Variants in CAMKK2 observed in about 807,000 individuals in gnomAD.
The protein encoded by CAMKK2 is calcium/calmodulin dependent protein kinase kinase 2, also known as calcium/calmodulin-dependent protein kinase kinase 2.
In CAMKK2, 30 loss-of-function variants were observed where a neutral mutation model predicts 67.2. The observed-to-expected ratio is 0.45, with a 90% CI of 0.33 to 0.61. The LOEUF is 0.61. CAMKK2 is among the 20% of genes least tolerant of loss of function. CAMKK2 has a pLI of 0.02. For missense variants in CAMKK2, 643 were observed against 802.0 expected (o/e 0.80, Z 2.39); for synonymous variants, 322 against 326.2 (o/e 0.99, Z 0.14).
chr12:121,252,417 C>A (rs913599890), intron 11 of CAMKK2, among the ~76,000 whole-genome samples: 1 of 152,308 alleles, frequency 6.6e-6, no homozygotes, highest in South Asian at 2.1e-4. Context: ...TATAGGCATG[C>A]GCCATCACGC....
intron 3 of CAMKK2, chr12:121,269,929 A>C (rs1297253817): frequency 5.1e-6 from 1 of 194,356 alleles, no homozygotes; most frequent in East Asian, 1.2e-4. Context: ...AGGCACCTGT[A>C]ATCCCAGCTA....
At chr12:121,289,110 C>T (rs939921609) in intron 1 of CAMKK2, among the ~76,000 whole-genome samples, 1 of 152,092 alleles carries the variant, frequency 6.6e-6, no homozygotes, top group Non-Finnish European at 1.5e-5. Context: ...GGTGAAGGGT[C>T]GAGCCTGCAG....
chr12:121,251,306 T>C (rs7975297), intron 11 of CAMKK2, among the ~76,000 whole-genome samples: 39,832 of 151,900 alleles, frequency 0.26, 5,889 homozygotes, highest in African/African-American at 0.4. Flanking sequence ...GTTAATATAG[T>C]AGAATCCAGG....
At chr12:121,268,979 C>G (rs890458496) in intron 4 of CAMKK2, among the ~76,000 whole-genome samples, 2 of 152,084 alleles carry the variant, frequency 1.3e-5, no homozygotes, top group African/African-American at 4.8e-5. Context: ...TTGCTGCCAT[C>G]GAATCAAAAC....
chr12:121,260,263 G>C (rs1357782912), intron 7 of CAMKK2, 56 bp downstream of exon 7: 2 of 1,466,994 alleles, frequency 1.4e-6, no homozygotes, highest in Admixed American at 4.2e-5. Flanking sequence ...AGGACCCCTG[G>C]GCATTGGCAG....
Position 121,263,815 on chromosome 12 carries a change from C to T in CAMKK2, c.750G>A (p.Lys250=). The T allele has an allele frequency of 6.2e-7, 1 of 1,608,762 alleles. No individual in the cohort carries two copies. Among genetic ancestry groups the T allele is most frequent in the South Asian group, 1.1e-5 (1 of 90,662 alleles). The change falls in exon 6 of 17, where the codon AAG becomes AAA. Residue 250 remains lysine (K), a synonymous_variant. Transcript: ENST00000404169. The part of the protein sequence containing the change: ...LKKLDHPNVV[K]LVEVLDDPNE... Reference sequence around the variant, plus strand: ...GCCTCCACCCTTTTACCTCCACCAGCTTCACCACATTGGGGTGGTCCAGCT... The same window carrying T: ...GCCTCCACCCTTTTACCTCCACCAGTTTCACCACATTGGGGTGGTCCAGCT...
At chr12:121,251,202 A>G (rs1324150016) in intron 11 of CAMKK2, among the ~76,000 whole-genome samples, 1 of 152,216 alleles carries the variant, frequency 6.6e-6, no homozygotes, top group East Asian at 1.9e-4. Flanking sequence ...TTTGGAAGGA[A>G]GAGTGGAGAT....
chr12:121,276,587 C>T (rs1002468248), intron 1 of CAMKK2, among the ~76,000 whole-genome samples: 1 of 152,168 alleles, frequency 6.6e-6, no homozygotes, highest in Non-Finnish European at 1.5e-5. Context: ...GGACAAATGT[C>T]ACAGGTACCA....
Position 121,268,012 on chromosome 12 carries a change from A to G in CAMKK2, c.625+626T>C, listed in dbSNP as rs540929107. On this transcript the variant is annotated intron_variant, in intron 5 of 16. Coordinates refer to ENST00000404169, the MANE Select transcript of CAMKK2 (RefSeq NM_001270485.2). ...TCTTTCACTTAGCATAATGTCTTCA[A>G]GACCCCTCTGTGTTGGGGCATGAAT... 2.9e-4 allele frequency among the ~76,000 whole-genome samples: 43 copies of G among 148,000 alleles called. 1 individual carries two copies. The highest frequency in any genetic ancestry group is 1.0e-3 in the African/African-American group (41 of 39,718).
At chr12:121,243,964 T>A (rs1183528315) in intron 16 of CAMKK2, 1 of 1,463,488 alleles carries the variant, frequency 6.8e-7, no homozygotes, top group Non-Finnish European at 9.0e-7. Context: ...GTTCTCCCAG[T>A]CTCATAAGGA....
At chr12:121,287,707 C>T (rs1023972681) in intron 1 of CAMKK2, among the ~76,000 whole-genome samples, 3 of 152,214 alleles carry the variant, frequency 2.0e-5, no homozygotes, top group East Asian at 1.9e-4. Flanking sequence ...TGGTGGCTCA[C>T]GCCTATAATG....
rs1303873351 is a variant in CAMKK2, at chr12:121,253,298, T to G, written c.1082A>C (p.Glu361Ala). 3.1e-6 allele frequency: 5 copies of G among 1,614,100 alleles called. No individual in the cohort carries two copies. In the African/African-American group the frequency reaches 6.7e-5, roughly 22 times the overall value. The change falls in exon 10 of 17, where the codon GAG becomes GCG. Residue 361 changes from glutamate to alanine, a missense_variant. This residue lies in a region of CAMKK2 where 483 missense variants were observed against 625.8 expected (regional missense o/e 0.77). Transcript: ENST00000404169. The surrounding 1 kb of genome is among the most constrained non-coding windows in gnomAD (Gnocchi z 5.0). ...PAFMAPESLSETRKIFSGKAL... is the reference protein window; with the variant it reads ...PAFMAPESLSATRKIFSGKAL... ...CTTCCCAGAGAAGATCTTGCGGGTCTCAGAGAGCGACTCGGGTGCCATGAA... is the reference window on the plus strand; with the variant it reads ...CTTCCCAGAGAAGATCTTGCGGGTCGCAGAGAGCGACTCGGGTGCCATGAA...
chr12:121,275,729 C>G (rs1235427131), intron 1 of CAMKK2, among the ~76,000 whole-genome samples: 1 of 151,928 alleles, frequency 6.6e-6, no homozygotes, highest in Non-Finnish European at 1.5e-5. Context: ...TTAATGGGCA[C>G]AGGTTTTCCT....
intron 1 of CAMKK2, among the ~76,000 whole-genome samples, chr12:121,280,903 G>A (rs958054957): frequency 6.6e-6 from 1 of 152,178 alleles, no homozygotes; most frequent in Non-Finnish European, 1.5e-5. Flanking sequence ...TGGGTCCTGT[G>A]GTCCTGTGAT....
At chr12:121,279,769 C>T (rs1159891041) in intron 1 of CAMKK2, among the ~76,000 whole-genome samples, 3 of 152,252 alleles carry the variant, frequency 2.0e-5, no homozygotes, top group African/African-American at 7.2e-5. Flanking sequence ...CACAGGGCAG[C>T]TCATCACGAG....
At chr12:121,268,082 G>A (rs866136227) in intron 5 of CAMKK2, among the ~76,000 whole-genome samples, 3 of 47,892 alleles carry the variant, frequency 6.3e-5, no homozygotes, top group South Asian at 5.4e-4. Flanking sequence ...TCCATTGGAT[G>A]CATATATATA....
chr12:121,241,380 A>G (rs1298670420), intron 16 of CAMKK2, among the ~76,000 whole-genome samples: 1 of 152,096 alleles, frequency 6.6e-6, no homozygotes, highest in African/African-American at 2.4e-5. Context: ...GCAGATGACA[A>G]CTGCTCCAGG....
chr12:121,251,901 C>A (rs1890814323), intron 11 of CAMKK2, among the ~76,000 whole-genome samples: 1 of 151,902 alleles, frequency 6.6e-6, no homozygotes, highest in African/African-American at 2.4e-5. Flanking sequence ...AACAGAAAAG[C>A]CCAAACAGCA....
chr12:121,241,120 C>A (rs1287094760), intron 16 of CAMKK2, among the ~76,000 whole-genome samples: 1 of 152,198 alleles, frequency 6.6e-6, no homozygotes, highest in Non-Finnish European at 1.5e-5. Context: ...AGCAAGGACC[C>A]GTACAACAGT....
Sources: gnomAD v4.1 joint callset for allele counts (sites outside exome capture counted in the v4.1 genomes callset) on GRCh38, gnomAD v4.1.1 for gene constraint, gnomAD v4.1.1 regional missense constraint, Gnocchi (gnomAD v3.1) non-coding constraint, MANE v1.5 for transcripts, NCBI Gene and HGNC (gene_info 2026-07-23, HGNC 2026-07-21) for gene names.